EDIL3: variants seen among roughly 807,000 people sequenced by gnomAD.
EDIL3 encodes EGF-like repeat and discoidin I-like domain-containing protein 3.
In EDIL3, 37 loss-of-function variants were observed where a neutral mutation model predicts 67.4. The observed-to-expected ratio is 0.55, with a 90% CI of 0.42 to 0.72. The LOEUF (loss-of-function observed/expected upper bound fraction) is 0.72, where lower values mean the gene tolerates loss of function less well. Among genes scored for constraint, EDIL3 ranks in the 30% least tolerant of loss-of-function variants. The pLI is 0.00. For synonymous variants in EDIL3, 195 were observed against 196.3 expected, an observed-to-expected ratio of 0.99 and a Z score of 0.05; for missense variants, 527 against 586.3, an observed-to-expected ratio of 0.90 and a Z score of 1.04.
intron 2 of EDIL3, among the ~76,000 whole-genome samples, chr5:84,253,097 C>T (rs1257546300): frequency 6.6e-6 from 1 of 151,962 alleles, no homozygotes; most frequent in Non-Finnish European, 1.5e-5. Flanking sequence ...CCAATAGTTA[C>T]TGGATTTTTA....
At chr5:84,273,614 G>T (rs1415551610) in intron 1 of EDIL3, among the ~76,000 whole-genome samples, 1 of 152,158 alleles carries the variant, frequency 6.6e-6, no homozygotes, top group Admixed American at 6.5e-5. Context: ...CTTGAATAGT[G>T]AGAAACACAG....
At chr5:84,310,987 GT>G (rs750493046) in intron 1 of EDIL3, among the ~76,000 whole-genome samples, 40 of 148,460 alleles carry the variant, frequency 2.7e-4, no homozygotes, top group African/African-American at 8.6e-4. Context: ...TATCATGTCT[GT>G]TTTTTTTTTC....
At chr5:83,982,072 C>T (rs560167449) in intron 9 of EDIL3, among the ~76,000 whole-genome samples, 1 of 152,144 alleles carries the variant, frequency 6.6e-6, no homozygotes, top group East Asian at 1.9e-4. Flanking sequence ...TCAATGCTAT[C>T]ATGTTCTTAA....
intron 1 of EDIL3, among the ~76,000 whole-genome samples, chr5:84,350,720 T>C (rs1191017776): frequency 1.3e-5 from 2 of 152,110 alleles, no homozygotes; most frequent in Non-Finnish European, 2.9e-5. Context: ...CTAATTTGAA[T>C]ATTCACCCTG....
chr5:84,112,437 AG>A, intron 5 of EDIL3, among the ~76,000 whole-genome samples: 1 of 152,348 alleles, frequency 6.6e-6, no homozygotes, highest in South Asian at 2.1e-4. Flanking sequence ...GAGCAAACAT[AG>A]GTGTTTCCTT....
At chr5:84,383,684 T>C (rs994478962) in intron 1 of EDIL3, among the ~76,000 whole-genome samples, 2 of 151,742 alleles carry the variant, frequency 1.3e-5, no homozygotes, top group East Asian at 2.0e-4. Flanking sequence ...GTTCCTGGGG[T>C]TTGCTGTAAT....
chr5:83,963,355 A>T lies in EDIL3; in HGVS notation c.1143T>A (p.Asp381Glu). The change falls in exon 10 of 11, where the codon GAT (aspartate) becomes GAA (glutamate). Residue 381 changes from aspartate to glutamate, a missense_variant. Transcript: ENST00000296591. The part of the protein sequence containing the change: ...HNDQSQWLQV[D>E]LLVPTKVTGI... ...CAGTCACTTTGGTTGGAACAAGAAG[A>T]TCCACCTTAAAAAAAAGAAAAATAC... The T allele has an allele frequency of 6.3e-7, 1 of 1,595,260 alleles. No individual in the cohort carries two copies. The highest frequency in any genetic ancestry group is 8.5e-7 in the Non-Finnish European group (1 of 1,173,456).
chr5:84,110,375 C>T (rs1485974666), intron 5 of EDIL3, among the ~76,000 whole-genome samples: 1 of 152,054 alleles, frequency 6.6e-6, no homozygotes, highest in Non-Finnish European at 1.5e-5. Context: ...TTATAAAAAC[C>T]AGTGAAGGAA....
chr5:84,041,303 A>C (rs2112213697), intron 9 of EDIL3, among the ~76,000 whole-genome samples: 1 of 152,012 alleles, frequency 6.6e-6, no homozygotes, highest in South Asian at 2.1e-4. Flanking sequence ...TAACATCAGA[A>C]TCTCTGGGGA....
intron 1 of EDIL3, among the ~76,000 whole-genome samples, chr5:84,334,611 T>C (rs547603144): frequency 1.4e-4 from 22 of 152,280 alleles, no homozygotes; most frequent in Admixed American, 1.4e-3. Context: ...GTATTTTATG[T>C]GCTAGGCAAA....
intron 9 of EDIL3, among the ~76,000 whole-genome samples, chr5:84,047,183 A>T (rs980053848): frequency 5.3e-5 from 8 of 152,140 alleles, no homozygotes; most frequent in Non-Finnish European, 1.0e-4. Context: ...TGTACCCTGT[A>T]TCTGGGGTTA....
intron 4 of EDIL3, among the ~76,000 whole-genome samples, chr5:84,174,602 G>A (rs1444450701): frequency 6.6e-6 from 1 of 152,146 alleles, no homozygotes; most frequent in African/African-American, 2.4e-5. Context: ...GAGGGTCCAA[G>A]GTTCAAGCGT....
At chr5:84,350,664 T>C (rs909467329) in intron 1 of EDIL3, among the ~76,000 whole-genome samples, 3 of 152,088 alleles carry the variant, frequency 2.0e-5, no homozygotes, top group Non-Finnish European at 4.4e-5. Flanking sequence ...TATGCAACTT[T>C]TAAATCTGCA....
intron 10 of EDIL3, among the ~76,000 whole-genome samples, 199 bp from the exon 11 acceptor site, chr5:83,943,767 C>T (rs1418106993): frequency 2.6e-5 from 4 of 151,396 alleles, no homozygotes; most frequent in Non-Finnish European, 5.9e-5. Flanking sequence ...AGAGTTAAAC[C>T]TTTATTGTTT....
At chr5:84,341,906 T>C (rs1012000730) in intron 1 of EDIL3, among the ~76,000 whole-genome samples, 2 of 152,100 alleles carry the variant, frequency 1.3e-5, no homozygotes, top group African/African-American at 4.8e-5. Context: ...AGATTCTTTC[T>C]TCCCAGAAGT....
chr5:84,137,457 T>C lies in EDIL3; in HGVS notation c.356-103A>G, dbSNP rs374184714. On this transcript the variant is annotated intron_variant, in intron 4 of 10. Transcript: ENST00000296591. Reference sequence around the variant, plus strand: ...AATACAAATGTCTTAGTAATGCTATTCCTTTGTGTGTGTGTAGGCATGTGT... The same window carrying C: ...AATACAAATGTCTTAGTAATGCTATCCCTTTGTGTGTGTGTAGGCATGTGT... The C allele has an allele frequency of 5.6e-5, 57 of 1,012,798 alleles. No homozygotes were observed. In the African/African-American group the frequency reaches 8.7e-4, roughly 16 times the overall value. The allele number at this position is 1,012,798 out of a possible 1,614,324, so 62.7% of individuals were successfully genotyped here. A position where few individuals can be genotyped will look rare whatever the true frequency, so the allele number is the denominator to read the frequency against.
intron 9 of EDIL3, among the ~76,000 whole-genome samples, chr5:83,977,724 A>T (rs978386679): frequency 4.6e-5 from 7 of 151,564 alleles, no homozygotes; most frequent in African/African-American, 1.7e-4. Flanking sequence ...TTTATATTAA[A>T]TTTTTTCTAC....
intron 9 of EDIL3, among the ~76,000 whole-genome samples, chr5:84,050,793 A>G (rs1746321153): frequency 6.6e-6 from 1 of 152,198 alleles, no homozygotes; most frequent in Admixed American, 6.5e-5. Context: ...CTGAGGCTTG[A>G]GAAGGTAAAC....
At chr5:84,252,444 A>G (rs1468785683) in intron 2 of EDIL3, among the ~76,000 whole-genome samples, 1 of 136,346 alleles carries the variant, frequency 7.3e-6, no homozygotes, top group Non-Finnish European at 1.5e-5. Context: ...CAGCGAGCTG[A>G]GATCGTGCCA....
Sources: gnomAD v4.1 joint callset for allele counts (sites outside exome capture counted in the v4.1 genomes callset) on GRCh38, gnomAD v4.1.1 for gene constraint, MANE v1.5 for transcripts, NCBI Gene and HGNC (gene_info 2026-07-23, HGNC 2026-07-21) for gene names.